The following DCAF4 variants were observed in gnomAD, a reference collection of about 807,000 sequenced individuals.
DCAF4 encodes DDB1- and CUL4-associated factor 4.
In DCAF4, 37 loss-of-function variants were observed where a neutral mutation model predicts 60.9. That is an observed-to-expected ratio of 0.61 (90% CI 0.47 to 0.80). The LOEUF (loss-of-function observed/expected upper bound fraction) is 0.80. Among genes scored for constraint, DCAF4 ranks in the 30% least tolerant of loss-of-function variants. The pLI, the probability that DCAF4 is intolerant of heterozygous loss-of-function variation, is 0.00. For synonymous variants in DCAF4, 243 were observed against 254.8 expected (o/e 0.95, Z 0.44); for missense variants, 577 against 650.0 (o/e 0.89, Z 1.22).
At chr14:72,954,586 A>C in intron 11 of DCAF4, 103 bp downstream of exon 11, 1 of 1,046,192 alleles carries the variant, frequency 9.6e-7, no homozygotes, top group South Asian at 1.4e-5. Context: ...ACTCTTTGAC[A>C]GGGGAGAAAG....
intron 1 of DCAF4, among the ~76,000 whole-genome samples, chr14:72,933,302 G>A (rs1291871661): frequency 4.6e-5 from 7 of 151,930 alleles, no homozygotes; most frequent in Admixed American, 6.6e-5. Flanking sequence ...GGCCAGGTGC[G>A]GTAATCCCAG....
intron 8 of DCAF4, among the ~76,000 whole-genome samples, chr14:72,947,627 C>T (rs1356982868): frequency 2.6e-5 from 4 of 152,226 alleles, no homozygotes; most frequent in African/African-American, 9.6e-5. Flanking sequence ...AGGAGCAGCA[C>T]AGCCTTGGGG....
intron 1 of DCAF4, among the ~76,000 whole-genome samples, chr14:72,937,662 G>A (rs531311288): frequency 7.5e-4 from 114 of 152,072 alleles, no homozygotes; most frequent in Admixed American, 2.9e-3. Context: ...CTCGTGATCC[G>A]CCTGCCTCGG....
In DCAF4 at chr14:72,953,732, A is replaced by AAAAAAAAT. The variant is rs1555527852; in HGVS notation, c.809-431_809-430insAAAAAATA. On this transcript the variant is annotated intron_variant, in intron 9 of 13. Coordinates refer to ENST00000358377, the MANE Select transcript of DCAF4 (RefSeq NM_015604.4). The stretch of plus-strand genomic sequence containing the variant: ...CTTAAAAAAAAAAAAAAAAAAAAAA[A>AAAAAAAAT]ATATATATATATATATATATATATA... Among the ~76,000 whole-genome samples, 5 of 21,776 alleles carry AAAAAAAAT rather than the reference A, an allele frequency of 2.3e-4. 1 individual carries two copies. The highest frequency in any genetic ancestry group is 2.3e-4 in the African/African-American group (1 of 4,292). 14.3% of individuals were successfully genotyped at this position (21,776 alleles called of 152,430 possible). A position where few individuals can be genotyped will look rare whatever the true frequency, so the allele number is the denominator to read the frequency against.
At chr14:72,946,914 G>A (rs977220417) in intron 7 of DCAF4, among the ~76,000 whole-genome samples, 3 of 152,156 alleles carry the variant, frequency 2.0e-5, no homozygotes, top group Non-Finnish European at 4.4e-5. Context: ...TGCCCAGAGG[G>A]TATGCCAGAT....
In DCAF4 at chr14:72,953,763, AGTTT is replaced by A. The variant is rs369082539; in HGVS notation, c.809-400_809-397del. Among the ~76,000 whole-genome samples, 67 of 38,140 alleles carry A rather than the reference AGTTT, an allele frequency of 1.8e-3. 10 individuals are homozygous for A. The highest frequency in any genetic ancestry group is 5.4e-3 in the East Asian group (10 of 1,836). 25.0% of individuals were successfully genotyped at this position (38,140 alleles called of 152,430 possible). On this transcript the variant is annotated intron_variant, in intron 9 of 13. Coordinates refer to ENST00000358377, the MANE Select transcript of DCAF4 (RefSeq NM_015604.4). ...TATATATATATATATATATATATAT[AGTTT>A]ATTTATTTATTTATTTGTGTGTGTG... is the stretch of plus-strand genomic sequence containing the variant.
At chr14:72,948,782 T>A (rs1891059590) in intron 8 of DCAF4, among the ~76,000 whole-genome samples, 1 of 152,218 alleles carries the variant, frequency 6.6e-6, no homozygotes, top group Non-Finnish European at 1.5e-5. Flanking sequence ...TTTTTCCCTT[T>A]AGAAAAATGG....
intron 9 of DCAF4, among the ~76,000 whole-genome samples, chr14:72,953,324 G>A (rs940925314): frequency 2.6e-5 from 4 of 152,024 alleles, no homozygotes; most frequent in Non-Finnish European, 4.4e-5. Flanking sequence ...TCTTAACCTG[G>A]GTGGTGGGTA....
At chr14:72,956,330 G>T in intron 12 of DCAF4, 56 bp from the exon 13 acceptor site, 1 of 1,407,116 alleles carries the variant, frequency 7.1e-7, no homozygotes, top group Non-Finnish European at 9.6e-7. Context: ...TGCACTTGGG[G>T]ACCACCATGG....
At chr14:72,961,602 AT>A (rs1892823204), downstream of DCAF4, among the ~76,000 whole-genome samples, 1 of 152,178 alleles carries the variant, frequency 6.6e-6, no homozygotes, top group African/African-American at 2.4e-5. Flanking sequence ...AGCACAAACC[AT>A]TCACAGTCTT....
In DCAF4 at chr14:72,943,008, T is replaced by G. The variant is rs918161494; in HGVS notation, c.446T>G (p.Leu149Arg). Reference protein sequence around the residue: ...VTNYCHLAHELRLSCMERKKV... With the variant: ...VTNYCHLAHERRLSCMERKKV... ...TGTTTCTGCAGTTTAGCCCACGAGC[T>G]GCGTCTCAGCTGCATGGAGAGGAAA... The change falls in exon 6 of 14, where the codon CTG becomes CGG. Residue 149 changes from leucine to arginine, a missense_variant. By Grantham distance (102) the Leu-to-Arg change is moderately radical. Coordinates refer to ENST00000358377, the MANE Select transcript of DCAF4 (RefSeq NM_015604.4). 3 of 1,614,184 alleles carry G rather than the reference T, an allele frequency of 1.9e-6. No individual in the cohort carries two copies. In the Admixed American group the frequency reaches 5.0e-5, roughly 27 times the overall value.
chr14:72,955,677 C>T lies in DCAF4; in HGVS notation c.1160C>T (p.Ala387Val), dbSNP rs1237207203. The change falls in exon 12 of 14, where the codon GCT becomes GTT. Residue 387 changes from alanine (A) to valine (V), a missense_variant. Ala to Val is a moderately conservative substitution (Grantham distance 64). Transcript: ENST00000358377. ...RILQDEQYLM[A>V]SDMAGKIKLW... ...CTCCAAGATGAGCAATACCTGATGG[C>T]TTCAGACATGGCTGGAAAGGTAGGG... The T allele has an allele frequency of 6.2e-6, 10 of 1,613,696 alleles. No homozygotes were observed. The highest frequency in any genetic ancestry group is 8.5e-6 in the Non-Finnish European group (10 of 1,179,836).
chr14:72,928,585 T>TTTTATATATATATATATA (rs1283241933), intron 1 of DCAF4, among the ~76,000 whole-genome samples: 1 of 15,938 alleles, frequency 6.3e-5, no homozygotes, highest in African/African-American at 9.4e-5. Flanking sequence ...TAAACATCCT[T>TTTTATATATATATATATA]TATATATATA....
chr14:72,952,577 A>T (rs61988549), intron 9 of DCAF4, among the ~76,000 whole-genome samples: 4,087 of 152,252 alleles, frequency 0.027, 77 homozygotes, highest in Non-Finnish European at 0.044. Context: ...GTCTTACAAA[A>T]GTAATTTTTA....
intron 1 of DCAF4, chr14:72,929,907 G>A: frequency 2.1e-6 from 3 of 1,402,612 alleles, no homozygotes; most frequent in Non-Finnish European, 2.0e-6. Flanking sequence ...TGAGGCCCAC[G>A]GCCATAAGGT....
intron 8 of DCAF4, among the ~76,000 whole-genome samples, chr14:72,950,318 G>C (rs915593888): frequency 2.6e-5 from 4 of 152,154 alleles, no homozygotes; most frequent in Non-Finnish European, 4.4e-5. Flanking sequence ...CTCTAGCCCG[G>C]GCATCTTGTG....
At chr14:72,948,390 G>A (rs766891640) in intron 8 of DCAF4, among the ~76,000 whole-genome samples, 3 of 152,078 alleles carry the variant, frequency 2.0e-5, no homozygotes, top group Non-Finnish European at 4.4e-5. Context: ...ATACATTAGC[G>A]ACCTGATTAT....
chr14:72,940,110 C>T, intron 3 of DCAF4, 110 bp from the exon 4 acceptor site: 1 of 1,456,664 alleles, frequency 6.9e-7, no homozygotes, highest in Non-Finnish European at 9.5e-7. Context: ...CATCCCCGCC[C>T]TCAGAAAAGA....
intron 1 of DCAF4, among the ~76,000 whole-genome samples, chr14:72,931,906 T>C (rs1361725815): frequency 6.6e-6 from 1 of 152,156 alleles, no homozygotes; most frequent in Non-Finnish European, 1.5e-5. Context: ...TTTTATATGC[T>C]CCTGGATTTT....
Sources: allele counts gnomAD v4.1 joint callset (sites outside exome capture counted in the v4.1 genomes callset), GRCh38; gene constraint gnomAD v4.1.1; transcripts MANE v1.5; gene names NCBI Gene and HGNC (gene_info 2026-07-23, HGNC 2026-07-21).